The following PHF8 variants were observed in gnomAD, a reference collection of about 807,000 sequenced individuals.
PHF8 encodes PHD finger protein 8, also known as histone lysine demethylase PHF8.
A neutral mutation model predicts 74.4 loss-of-function variants in PHF8; 9 were observed. The observed-to-expected ratio is 0.12, with a 90% CI of 0.07 to 0.21. PHF8 has a LOEUF of 0.21. Ranked by LOEUF, PHF8 falls within the 10% of genes least tolerant of loss-of-function variation. The pLI is 1.00. For synonymous variants in PHF8, 311 were observed against 316.6 expected, an observed-to-expected ratio of 0.98 and a Z score of 0.19; for missense variants, 478 against 816.6, an observed-to-expected ratio of 0.59 and a Z score of 5.05.
chrX:53,978,797 C>CAA (rs34127297), intron 18 of PHF8, among the ~76,000 whole-genome samples: 16 of 42,849 alleles, frequency 3.7e-4, no homozygotes, highest in South Asian at 1.4e-3. Flanking sequence ...GGCTCCATCT[C>CAA]AAAAAAAAAA....
Position 53,962,949 on chromosome X carries a change from G to GA in PHF8, c.2444-11dup, listed in dbSNP as rs1557091342. On this transcript the variant is annotated splice_polypyrimidine_tract_variant and intron_variant, in intron 18 of 21. Transcript: ENST00000338154. ...TCCAGTGAAGGATAGACTGCAGGGA[G>GA]AAGGGAAAACAGGGTAAAATGAGAT... 9.3e-6 allele frequency: 10 copies of GA among 1,071,588 alleles called. No homozygotes were observed. Among genetic ancestry groups the GA allele is most frequent in the Non-Finnish European group, 1.3e-5 (10 of 769,192 alleles). 88.3% of individuals were successfully genotyped at this position (1,071,588 alleles called of 1,213,427 possible). A position where few individuals can be genotyped will look rare whatever the true frequency, so the allele number is the denominator to read the frequency against.
intron 8 of PHF8, among the ~76,000 whole-genome samples, chrX:54,004,079 A>G (rs1331872591): frequency 8.9e-6 from 1 of 112,149 alleles, no homozygotes; most frequent in Non-Finnish European, 1.9e-5. Context: ...TTAGCCCAAT[A>G]CCAGGGCACA....
chrX:54,007,647 A>G (rs1557105679), intron 8 of PHF8, among the ~76,000 whole-genome samples: 2 of 112,586 alleles, frequency 1.8e-5, no homozygotes, highest in South Asian at 7.2e-4. Context: ...ACATTTGGAA[A>G]GATGTTAAAC....
intron 18 of PHF8, among the ~76,000 whole-genome samples, chrX:53,971,887 G>A (rs1414979825): frequency 9.0e-6 from 1 of 111,019 alleles, no homozygotes; most frequent in Non-Finnish European, 1.9e-5. Flanking sequence ...ATTTATAGCT[G>A]AATTCCACTA....
intron 18 of PHF8, among the ~76,000 whole-genome samples, chrX:53,984,437 G>C (rs189283823): frequency 9.0e-6 from 1 of 111,720 alleles, no homozygotes; most frequent in African/African-American, 3.3e-5. Flanking sequence ...AAGAGTGCCT[G>C]ATACACTGTG....
At chrX:53,939,702 T>A (rs1341643482) in intron 21 of PHF8, among the ~76,000 whole-genome samples, 1 of 111,030 alleles carries the variant, frequency 9.0e-6, no homozygotes, top group Admixed American at 9.6e-5. Flanking sequence ...CCAACCTCCA[T>A]GCCCTTGAGC....
At chrX:53,969,207 C>G (rs2065256819) in intron 18 of PHF8, among the ~76,000 whole-genome samples, 1 of 110,998 alleles carries the variant, frequency 9.0e-6, no homozygotes, top group Admixed American at 9.6e-5. Context: ...TGAACTCCAG[C>G]CTGGGTGACA....
At chrX:53,991,677 A>C (rs987825195) in intron 14 of PHF8, among the ~76,000 whole-genome samples, 3 of 106,025 alleles carry the variant, frequency 2.8e-5, no homozygotes, top group East Asian at 2.9e-4. Context: ...AAAAAAAAAA[A>C]AAAAAAAACA....
intron 19 of PHF8, among the ~76,000 whole-genome samples, chrX:53,959,992 T>C (rs1480397285): frequency 9.1e-6 from 1 of 110,344 alleles, no homozygotes; most frequent in African/African-American, 3.3e-5. Flanking sequence ...ACGAAAACTA[T>C]GAGGTTGTCT....
At chrX:53,990,386 T>C (rs2065638856) in intron 14 of PHF8, among the ~76,000 whole-genome samples, 1 of 110,787 alleles carries the variant, frequency 9.0e-6, no homozygotes, top group Admixed American at 9.7e-5. Context: ...ACTTAACAGC[T>C]TCTGACAGCT....
In PHF8 at chrX:54,017,797, G is replaced by C; in HGVS notation, c.318C>G (p.Pro106=). ...FDSSDEVILK[P]TGNQLTVEFL... is the part of the protein sequence containing the mutation. ...ATTCCACGGTCAGTTGATTTCCAGT[G>C]GGCTTCAGAATCACTTCATCTGAGC... The change falls in exon 5 of 22, where the codon CCC becomes CCG. Residue 106 remains proline (P), a synonymous_variant. Coordinates refer to ENST00000338154, the MANE Select transcript of PHF8 (RefSeq NM_015107.3). The C allele has an allele frequency of 8.3e-7, 1 of 1,210,823 alleles. No homozygotes were observed. The highest frequency in any genetic ancestry group is 1.1e-6 in the Non-Finnish European group (1 of 894,720).
At chrX:53,995,060 A>C (rs1368251683) in intron 12 of PHF8, 19 of 307,898 alleles carry the variant, frequency 6.2e-5, no homozygotes, top group Non-Finnish European at 1.2e-4. Context: ...ACAGATGAGG[A>C]AACTGAGGCT....
At chrX:53,986,399 G>A (rs1292021846) in intron 16 of PHF8, among the ~76,000 whole-genome samples, 1 of 111,868 alleles carries the variant, frequency 8.9e-6, no homozygotes, top group African/African-American at 3.2e-5. Context: ...GTGCCACCAC[G>A]CCCAGCTAAT....
At chrX:53,947,172 C>T (rs1312987328) in intron 19 of PHF8, among the ~76,000 whole-genome samples, 5 of 111,036 alleles carry the variant, frequency 4.5e-5, no homozygotes, top group Non-Finnish European at 7.5e-5. Flanking sequence ...ACACCATGCC[C>T]GGCTAATTTT....
At chrX:53,956,675 C>CGTGTGTGTGTGT (rs376217153) in intron 19 of PHF8, among the ~76,000 whole-genome samples, 1 of 97,533 alleles carries the variant, frequency 1.0e-5, no homozygotes, top group Non-Finnish European at 2.1e-5. Context: ...AAAATATGTG[C>CGTGTGTGTGTGT]GTGTGTGTGT....
At chrX:54,033,074 G>T (rs2066389055) in intron 2 of PHF8, among the ~76,000 whole-genome samples, 1 of 111,225 alleles carries the variant, frequency 9.0e-6, no homozygotes, top group Non-Finnish European at 1.9e-5. Flanking sequence ...GTGGTGGATA[G>T]CACCAAAGAC....
At chrX:53,960,518 A>G (rs1460287090) in intron 19 of PHF8, among the ~76,000 whole-genome samples, 2 of 108,175 alleles carry the variant, frequency 1.8e-5, no homozygotes, top group Non-Finnish European at 3.8e-5. Context: ...GGGAGGCTGA[A>G]GCGGGCAGAT....
At position 53,937,901 on chromosome X, in the gene PHF8, G is replaced by A; in HGVS notation, c.*1257C>T. 1.2e-6 allele frequency: 1 copy of A among 849,630 alleles called. No homozygotes were observed. The allele number at this position is 849,630 out of a possible 1,213,427, so 70.0% of individuals were successfully genotyped here. ...CCAGTGAGGCAAGGCGGTGGGAGGT[G>A]GGGGCACTGTCTGGACAATGGAGAC... On this transcript the variant is annotated 3_prime_UTR_variant, in exon 22 of 22. Coordinates refer to ENST00000338154, the MANE Select transcript of PHF8 (RefSeq NM_015107.3).
chrX:53,943,304 A>G (rs2064780240), intron 20 of PHF8: 1 of 911,225 alleles, frequency 1.1e-6, no homozygotes, highest in Admixed American at 2.9e-5. Flanking sequence ...ATAGAAAGTA[A>G]TATGAAATTT....
Sources: gnomAD v4.1 joint callset for allele counts (sites outside exome capture counted in the v4.1 genomes callset) on GRCh38, gnomAD v4.1.1 for gene constraint, MANE v1.5 for transcripts, NCBI Gene and HGNC (gene_info 2026-07-23, HGNC 2026-07-21) for gene names.